The following PCID2 variants were observed in gnomAD, a reference collection of about 807,000 sequenced individuals.
The protein encoded by PCID2 is PCI domain containing 2.
In PCID2, 41 loss-of-function variants were observed where a neutral mutation model predicts 61.3. The observed-to-expected ratio is 0.67, with a 90% CI of 0.52 to 0.87. The LOEUF (loss-of-function observed/expected upper bound fraction) is 0.87. PCID2 is among the 40% of genes least tolerant of loss of function. PCID2 has a pLI of 0.00. For missense variants in PCID2, 392 were observed against 493.4 expected, an observed-to-expected ratio of 0.79 and a Z score of 1.95; for synonymous variants, 187 against 177.8, an observed-to-expected ratio of 1.05 and a Z score of -0.41.
chr13:113,184,480 T>C lies in PCID2; in HGVS notation c.551A>G (p.Lys184Arg), dbSNP rs548252603. 16 of 1,576,744 alleles carry C rather than the reference T, an allele frequency of 1.0e-5. No homozygotes were observed. Among genetic ancestry groups the C allele is most frequent in the South Asian group, 3.3e-5 (3 of 90,148 alleles). The change falls in exon 9 of 14, where the codon AAA becomes AGA. Residue 184 changes from lysine (K) to arginine (R), a missense_variant. By Grantham distance (26) the Lys-to-Arg change is conservative. Around this residue, in one of 3 missense-constraint regions of PCID2, gnomAD observed 226 missense variants for 296.5 expected, o/e 0.76. Coordinates refer to ENST00000337344, the MANE Select transcript of PCID2 (RefSeq NM_001127202.4). Reference sequence around the variant, plus strand: ...AATTAGGGGTTTACATAAATGGAGTTTGTTGATCTATAATGAATAACAATC... The same window carrying C: ...AATTAGGGGTTTACATAAATGGAGTCTGTTGATCTATAATGAATAACAATC... ...QLFKIYFKIN[K>R]LHLCKPLIRA...
At position 113,198,388 on chromosome 13, in the gene PCID2, T is replaced by C. The variant is rs1013109218; in HGVS notation, c.127-124A>G. ...ATGCTTTACAGTTCACAGTAACACT[T>C]TATATTTACCACTCTAAATAAAAGG... On this transcript the variant is annotated intron_variant, in intron 2 of 13. Coordinates refer to ENST00000337344, the MANE Select transcript of PCID2 (RefSeq NM_001127202.4). 6 of 628,038 alleles carry C rather than the reference T, an allele frequency of 9.6e-6. No individual in the cohort carries two copies. The Admixed American group carries it at 1.5e-4, about 16-fold the overall frequency. The allele number at this position is 628,038 out of a possible 1,614,324, so 38.9% of individuals were successfully genotyped here.
the PCID2 span, chr13:113,171,832 G>T: frequency 6.2e-7 from 1 of 1,613,628 alleles, no homozygotes; most frequent in Non-Finnish European, 8.5e-7. The surrounding 1 kb of genome is among the most constrained non-coding windows in gnomAD (Gnocchi z 5.1). Flanking sequence ...GCACTGACCT[G>T]GGCAACTCGC....
intron 1 of PCID2, among the ~76,000 whole-genome samples, chr13:113,203,281 C>T (rs912314338): frequency 6.6e-6 from 1 of 152,244 alleles, no homozygotes; most frequent in African/African-American, 2.4e-5. Context: ...GGCAGCCCTC[C>T]TGCCCCAGTC....
chr13:113,165,073 C>T, the PCID2 span: 1 of 1,613,168 alleles, frequency 6.2e-7, no homozygotes. Flanking sequence ...CTGCGGGGTG[C>T]TGACCTCTGA....
the PCID2 span, among the ~76,000 whole-genome samples, chr13:113,168,738 CTTTTT>C: frequency 6.6e-6 from 1 of 151,872 alleles, no homozygotes; most frequent in Non-Finnish European, 1.5e-5. Context: ...TCATAATTTT[CTTTTT>C]TTTGAGACCG....
intron 2 of PCID2, among the ~76,000 whole-genome samples, chr13:113,199,227 T>C (rs946755884): frequency 3.3e-5 from 5 of 152,156 alleles, no homozygotes; most frequent in Admixed American, 2.0e-4. Flanking sequence ...GGACGGGCAA[T>C]GGCCAATCTG....
At chr13:113,182,353 G>T (rs1369307750) in intron 9 of PCID2, among the ~76,000 whole-genome samples, 1 of 152,112 alleles carries the variant, frequency 6.6e-6, no homozygotes, top group East Asian at 1.9e-4. Context: ...GAGCCCTGTG[G>T]GGCTGAGACC....
At position 113,178,210 on chromosome 13, in the gene PCID2, G is replaced by T; in HGVS notation, c.1188C>A (p.Ser396=). Residue 396 remains serine (S), a synonymous_variant, in exon 14 of 14, where the codon TCC becomes TCA. Transcript: ENST00000337344. ...VSKQNPFPPL[S]TVC is the part of the protein sequence containing the mutation. ...GCTCCGTGTACTTTCAACACACCGTGGACAGGGGAGGAAATGGGTTCTGCT... is the reference window on the plus strand; with the variant it reads ...GCTCCGTGTACTTTCAACACACCGTTGACAGGGGAGGAAATGGGTTCTGCT... 1 of 1,612,908 alleles carries T rather than the reference G, an allele frequency of 6.2e-7. No homozygotes were observed. The highest frequency in any genetic ancestry group is 1.1e-5 in the South Asian group (1 of 91,046).
chr13:113,199,032 T>C (rs2039228696), intron 2 of PCID2, among the ~76,000 whole-genome samples: 1 of 152,232 alleles, frequency 6.6e-6, no homozygotes, highest in Non-Finnish European at 1.5e-5. Flanking sequence ...AAGTTTTCCT[T>C]TCCTCCTAAC....
intron 1 of PCID2, among the ~76,000 whole-genome samples, chr13:113,203,092 G>A (rs2039550503): frequency 1.3e-5 from 2 of 152,240 alleles, no homozygotes; most frequent in Admixed American, 1.3e-4. Context: ...GGGTAGGGCG[G>A]TGTCGCCGGG....
intron 1 of PCID2, chr13:113,208,343 C>G: frequency 1.4e-6 from 2 of 1,431,450 alleles, no homozygotes; most frequent in African/African-American, 1.4e-5. Flanking sequence ...ACCGCCGCGT[C>G]TACTTACACC....
intron 7 of PCID2, among the ~76,000 whole-genome samples, chr13:113,188,840 G>A (rs2038352090): frequency 6.6e-6 from 1 of 152,094 alleles, no homozygotes; most frequent in Admixed American, 6.5e-5. Flanking sequence ...TTTCATGGAT[G>A]GGATCCACAA....
chr13:113,190,911 TCTG>T lies in PCID2; in HGVS notation c.425_427del (p.Ala142del), dbSNP rs770739993. 3.1e-6 allele frequency: 5 copies of T among 1,613,534 alleles called. No individual in the cohort carries two copies. The Admixed American group carries it at 6.7e-5, about 22-fold the overall frequency. On this transcript the variant is annotated inframe_deletion, in exon 7 of 14. Coordinates refer to ENST00000337344, the MANE Select transcript of PCID2 (RefSeq NM_001127202.4). Reference sequence around the variant, plus strand: ...GACCCGGAAACAGCTCATCAGTAACTCTGCTGCTTTTTCCAACATGTCCCCAAC... The same window carrying T: ...GACCCGGAAACAGCTCATCAGTAACTCTGCTTTTTCCAACATGTCCCCAAC...
the PCID2 span, among the ~76,000 whole-genome samples, chr13:113,166,862 G>T: frequency 3.3e-5 from 5 of 152,122 alleles, no homozygotes; most frequent in Non-Finnish European, 5.9e-5. Context: ...CTTACCCAAG[G>T]GAAGAGAGGG....
the PCID2 span, chr13:113,171,810 G>T: frequency 6.2e-7 from 1 of 1,613,574 alleles, no homozygotes; most frequent in Non-Finnish European, 8.5e-7. The surrounding 1 kb of genome is among the most constrained non-coding windows in gnomAD (Gnocchi z 5.1). Context: ...CTCAGCGGCT[G>T]GGCACGCAAT....
At chr13:113,201,592 A>G (rs1041828747) in intron 1 of PCID2, among the ~76,000 whole-genome samples, 20 of 152,162 alleles carry the variant, frequency 1.3e-4, no homozygotes, top group African/African-American at 4.8e-4. Flanking sequence ...CGGGCAGATC[A>G]TGAGGTCAGA....
At position 113,197,016 on chromosome 13, in the gene PCID2, T is replaced by C. The variant is rs758398911; in HGVS notation, c.266+162A>G. 25 of 1,607,046 alleles carry C rather than the reference T, an allele frequency of 1.6e-5. No homozygotes were observed. The South Asian group carries it at 2.5e-4, about 16-fold the overall frequency. ...TCTTCAGATCCATGCTAAATTTAAG[T>C]ACCCAAGTGAAAGAGCTGAAACGAG... On this transcript the variant is annotated intron_variant, in intron 4 of 13. Coordinates refer to ENST00000337344, the MANE Select transcript of PCID2 (RefSeq NM_001127202.4).
chr13:113,166,444 G>C, the PCID2 span: 2 of 152,130 alleles, frequency 1.3e-5, no homozygotes, highest in Non-Finnish European at 2.9e-5. Flanking sequence ...ATAAGCCCCT[G>C]AGGTTTCTGT....
downstream of PCID2, among the ~76,000 whole-genome samples, chr13:113,176,919 G>A (rs2037200620): frequency 6.6e-6 from 1 of 152,198 alleles, no homozygotes; most frequent in Non-Finnish European, 1.5e-5. Flanking sequence ...CTAGAACTGT[G>A]AGGAAATACA....
Sources: gnomAD v4.1 joint callset for allele counts (sites outside exome capture counted in the v4.1 genomes callset) on GRCh38, gnomAD v4.1.1 for gene constraint, gnomAD v4.1.1 regional missense constraint, Gnocchi (gnomAD v3.1) non-coding constraint, MANE v1.5 for transcripts, NCBI Gene and HGNC (gene_info 2026-07-23, HGNC 2026-07-21) for gene names.